The following EWSR1 variants were observed in gnomAD, a reference collection of about 807,000 sequenced individuals.
EWSR1 encodes the protein EWS RNA binding protein 1, also known as RNA-binding protein EWS.
A neutral mutation model predicts 92.1 loss-of-function variants in EWSR1; 14 were observed. The observed-to-expected ratio is 0.15, with a 90% confidence interval of 0.10 to 0.24. EWSR1 has a LOEUF of 0.24. Ranked by LOEUF, EWSR1 falls within the 10% of genes least tolerant of loss-of-function variation. The pLI is 1.00. For synonymous variants in EWSR1, 303 were observed against 292.9 expected, an observed-to-expected ratio of 1.03 and a Z score of -0.35; for missense variants, 637 against 870.9, an observed-to-expected ratio of 0.73 and a Z score of 3.38.
intron 11 of EWSR1, among the ~76,000 whole-genome samples, chr22:29,293,752 A>G (rs1201392063): frequency 6.6e-6 from 1 of 151,626 alleles, no homozygotes; most frequent in Non-Finnish European, 1.5e-5. Context: ...TTTAGTAGAG[A>G]TGGGGTTTGG....
intron 11 of EWSR1, 137 bp from the exon 12 acceptor site, chr22:29,296,102 C>A: frequency 1.1e-6 from 1 of 894,560 alleles, no homozygotes; most frequent in Non-Finnish European, 1.6e-6. Context: ...TTCTGAAAAA[C>A]TTAAAAGCGG....
rs1602607399 is a variant in EWSR1, at chr22:29,299,480, TTGAG to T, written c.1679-115_1679-112del. 9.4e-6 allele frequency: 14 copies of T among 1,488,374 alleles called. No homozygotes were observed. In the East Asian group the frequency reaches 1.9e-4, roughly 20 times the overall value. The allele number at this position is 1,488,374 out of a possible 1,614,324, so 92.2% of individuals were successfully genotyped here. A position where few individuals can be genotyped will look rare whatever the true frequency, so the allele number is the denominator to read the frequency against. ...CTAAATTGTCAGCCCGATGCCGAGATTGAGTGAAGTGTCTGGTTTGTTCTGCTGT... is the reference window on the plus strand; with the variant it reads ...CTAAATTGTCAGCCCGATGCCGAGATTGAAGTGTCTGGTTTGTTCTGCTGT... On this transcript the variant is annotated intron_variant, in intron 15 of 16. Transcript: ENST00000397938.
chr22:29,293,667 C>T (rs1277909574), intron 11 of EWSR1, among the ~76,000 whole-genome samples: 6 of 152,004 alleles, frequency 3.9e-5, no homozygotes, highest in Non-Finnish European at 8.8e-5. Flanking sequence ...TGGGTTCAAG[C>T]GATTGTCCTG....
At chr22:29,269,620 A>C (rs898341302) in intron 1 of EWSR1, 1 of 152,256 alleles carries the variant, frequency 6.6e-6, no homozygotes, top group African/African-American at 2.4e-5. Flanking sequence ...CCAGCAACTT[A>C]AGGACAGTTT....
intron 6 of EWSR1, 23 bp from the exon 7 acceptor site, chr22:29,286,900 T>C: frequency 1.3e-6 from 2 of 1,588,376 alleles, no homozygotes; most frequent in Middle Eastern, 1.7e-4. Context: ...AGCTTTTTTT[T>C]TTTTCTCTTC....
At chr22:29,299,040 C>CT (rs1288536503) in intron 14 of EWSR1, 145 bp downstream of exon 14, 4 of 1,323,780 alleles carry the variant, frequency 3.0e-6, no homozygotes, top group Admixed American at 2.4e-5. Flanking sequence ...CAGCCATTCA[C>CT]TGGACGCTTC....
chr22:29,275,934 TG>T (rs2059082377), intron 4 of EWSR1: 7 of 199,346 alleles, frequency 3.5e-5, no homozygotes, highest in Middle Eastern at 1.4e-3. Context: ...TTTGTTTTTT[TG>T]TTTTTTTTTT....
At chr22:29,297,217 C>T (rs1167144194) in intron 12 of EWSR1, among the ~76,000 whole-genome samples, 1 of 152,158 alleles carries the variant, frequency 6.6e-6, no homozygotes, top group Non-Finnish European at 1.5e-5. Flanking sequence ...CACAAGCCAT[C>T]TCAGCTTACT....
At position 29,283,819 on chromosome 22, in the gene EWSR1, C is replaced by T. The variant is rs2059808142; in HGVS notation, c.581+1262C>T. On this transcript the variant is annotated intron_variant, in intron 6 of 16. Transcript: ENST00000397938. ...AAAGTGCTGGGGTGACAGGCGCGAG[C>T]CCCTGCGCCCAGCCAGTTTGTTTGT... is the stretch of plus-strand genomic sequence containing the variant. Among the ~76,000 whole-genome samples the T allele has an allele frequency of 1.3e-5, 2 of 148,348 alleles. 1 individual carries two copies. Among genetic ancestry groups the T allele is most frequent in the African/African-American group, 5.1e-5 (2 of 39,140 alleles).
intron 8 of EWSR1, chr22:29,291,332 G>A (rs1001343605): frequency 1.6e-5 from 7 of 437,322 alleles, no homozygotes; most frequent in Non-Finnish European, 2.4e-5. Flanking sequence ...ACCAGCCCCC[G>A]AAATGAAAGG....
chr22:29,272,951 A>G (rs2058802934), intron 3 of EWSR1, among the ~76,000 whole-genome samples: 1 of 152,220 alleles, frequency 6.6e-6, no homozygotes, highest in African/African-American at 2.4e-5. Flanking sequence ...AGTGTTTTCA[A>G]GATAATGTTG....
chr22:29,283,582 A>G (rs904504715), intron 6 of EWSR1, among the ~76,000 whole-genome samples: 3 of 150,966 alleles, frequency 2.0e-5, no homozygotes, highest in Non-Finnish European at 4.4e-5. Flanking sequence ...CTGGAGTGCA[A>G]TGGCACAATC....
chr22:29,280,862 G>GTTTTTTTTTTT (rs71196650), intron 5 of EWSR1, among the ~76,000 whole-genome samples: 1 of 62,900 alleles, frequency 1.6e-5, no homozygotes, highest in Non-Finnish European at 3.1e-5. Context: ...TGTGTGTGTT[G>GTTTTTTTTTTT]TTTTTTTTTT....
chr22:29,269,880 A>C (rs2058518857), intron 1 of EWSR1, among the ~76,000 whole-genome samples: 1 of 152,248 alleles, frequency 6.6e-6, no homozygotes, highest in South Asian at 2.1e-4. Flanking sequence ...AACTTTGTTC[A>C]AACCTTGTTC....
At chr22:29,269,375 C>T (rs767907186) in intron 1 of EWSR1, 1 of 152,186 alleles carries the variant, frequency 6.6e-6, no homozygotes, top group Non-Finnish European at 1.5e-5. Flanking sequence ...GTTGGGAACT[C>T]CAAAATGGGA....
At chr22:29,280,674 G>A (rs1489778898) in intron 5 of EWSR1, among the ~76,000 whole-genome samples, 1 of 134,980 alleles carries the variant, frequency 7.4e-6, no homozygotes, top group Non-Finnish European at 1.6e-5. Flanking sequence ...GGTTTGGTTG[G>A]TTTTTTTTTT....
intron 7 of EWSR1, among the ~76,000 whole-genome samples, chr22:29,287,944 A>G (rs1203344181): frequency 6.6e-6 from 1 of 152,184 alleles, no homozygotes; most frequent in African/African-American, 2.4e-5. Flanking sequence ...GGGGAGGCCA[A>G]GGCAGGAGGA....
At chr22:29,275,505 G>A (rs760130022) in intron 4 of EWSR1, 4 of 220,120 alleles carry the variant, frequency 1.8e-5, no homozygotes, top group Non-Finnish European at 3.6e-5. Flanking sequence ...AGTTTATAGA[G>A]TGGCCTTCTT....
intron 13 of EWSR1, among the ~76,000 whole-genome samples, 166 bp from the exon 14 acceptor site, chr22:29,298,567 C>T (rs1395583535): frequency 6.6e-6 from 1 of 152,084 alleles, no homozygotes; most frequent in Non-Finnish European, 1.5e-5. Context: ...GAACACGCTC[C>T]TCACAGGGAA....
Sources: allele counts gnomAD v4.1 joint callset (sites outside exome capture counted in the v4.1 genomes callset), GRCh38; gene constraint gnomAD v4.1.1; transcripts MANE v1.5; gene names NCBI Gene and HGNC (gene_info 2026-07-23, HGNC 2026-07-21).